The following EFS variants were observed in gnomAD, a reference collection of about 807,000 sequenced individuals.
EFS encodes the protein embryonal Fyn-associated substrate.
Under a neutral mutation model 42.2 loss-of-function variants are expected in EFS, and 34 were observed. The observed-to-expected ratio is 0.81, with a 90% CI of 0.61 to 1.07. The LOEUF is 1.07. Ranked by LOEUF, EFS falls within the 50% of genes least tolerant of loss-of-function variation. EFS has a pLI of 0.00. For synonymous variants in EFS, 299 were observed against 320.7 expected (o/e 0.93, Z 0.72); for missense variants, 717 against 729.4 (o/e 0.98, Z 0.20).
At chr14:23,361,533 T>A (rs1785458580) in intron 1 of EFS, among the ~76,000 whole-genome samples, 1 of 152,246 alleles carries the variant, frequency 6.6e-6, no homozygotes, top group South Asian at 2.1e-4. Context: ...TATTCTTGTG[T>A]GTGTGTCACC....
chr14:23,360,818 C>A lies in EFS; in HGVS notation c.34G>T (p.Ala12Ser). ...AIATSTQLAR[A>S]LYDNTAESPQ... ...GACTCAGCGGTGTTGTCATACAGTGCCCGGGCCAGCTGGGTCTGGTTGGGG... is the reference window on the plus strand; with the variant it reads ...GACTCAGCGGTGTTGTCATACAGTGACCGGGCCAGCTGGGTCTGGTTGGGG... The change falls in exon 2 of 6, where the codon GCA becomes TCA. Residue 12 changes from alanine (A) to serine (S), a missense_variant. Transcript: ENST00000216733. The A allele has an allele frequency of 6.2e-7, 1 of 1,610,306 alleles. No homozygotes were observed.
intron 1 of EFS, among the ~76,000 whole-genome samples, chr14:23,363,198 C>A (rs1423277492): frequency 2.0e-5 from 3 of 152,150 alleles, no homozygotes; most frequent in Admixed American, 2.0e-4. Context: ...CAGGTGTGAG[C>A]CACTGCGCCC....
rs753903677 is a variant in EFS at position 23,359,822 on chromosome 14, G to T, written c.656C>A (p.Ala219Asp). The T allele has an allele frequency of 4.6e-6, 7 of 1,526,470 alleles. No individual in the cohort carries two copies. The highest frequency in any genetic ancestry group is 6.1e-6 in the Non-Finnish European group (7 of 1,140,252). 94.6% of individuals were successfully genotyped at this position (1,526,470 alleles called of 1,614,324 possible). ...GREPGPPIYA[A>D]PSNLKRASAL... is the part of the protein sequence containing the mutation. ...TGACGCTCGTTTCAGGTTGGAGGGGGCAGCATAGATGGGGGGCCCCGGCTC... is the reference window on the plus strand; with the variant it reads ...TGACGCTCGTTTCAGGTTGGAGGGGTCAGCATAGATGGGGGGCCCCGGCTC... Residue 219 changes from alanine (A) to aspartate (D), a missense_variant, in exon 4 of 6, where the codon GCC becomes GAC. Physicochemically the swap from Ala to Asp is moderately radical, Grantham distance 126 (BLOSUM62 -2). Coordinates refer to ENST00000216733, the MANE Select transcript of EFS (RefSeq NM_005864.4).
Position 23,357,674 on chromosome 14 carries a change from G to C in EFS, c.1252-14C>G. On this transcript the variant is annotated splice_polypyrimidine_tract_variant and intron_variant, in intron 5 of 5. Transcript: ENST00000216733. ...GGACAGGGCCTCCTGAAGGGCAAGA[G>C]GAGTGGTCAGAGAGAACATTCTCAT... 1 of 1,507,232 alleles carries C rather than the reference G, an allele frequency of 6.6e-7. No homozygotes were observed. The highest frequency in any genetic ancestry group is 8.9e-7 in the Non-Finnish European group (1 of 1,124,642). The allele number at this position is 1,507,232 out of a possible 1,614,324, so 93.4% of individuals were successfully genotyped here. A position where few individuals can be genotyped will look rare whatever the true frequency, so the allele number is the denominator to read the frequency against.
intron 1 of EFS, among the ~76,000 whole-genome samples, chr14:23,362,708 G>C (rs547047714): frequency 6.6e-6 from 1 of 152,256 alleles, no homozygotes; most frequent in South Asian, 2.1e-4. Flanking sequence ...GCAGACCTGG[G>C]CTTGAGTCTT....
intron 5 of EFS, 22 bp from the exon 6 acceptor site, chr14:23,357,682 C>A: frequency 1.3e-6 from 2 of 1,496,566 alleles, no homozygotes; most frequent in South Asian, 2.8e-5. Context: ...GAGGAGTGGT[C>A]AGAGAGAACA....
At chr14:23,363,372 T>G (rs909191395) in intron 1 of EFS, among the ~76,000 whole-genome samples, 1 of 152,182 alleles carries the variant, frequency 6.6e-6, no homozygotes, top group Non-Finnish European at 1.5e-5. Flanking sequence ...AGATAACGCA[T>G]AAAGAAACTA....
At chr14:23,360,522 C>T (rs1351025972) in intron 2 of EFS, 33 bp downstream of exon 2, 2 of 1,520,856 alleles carry the variant, frequency 1.3e-6, no homozygotes, top group Non-Finnish European at 1.8e-6. Context: ...TGGGGCTCTT[C>T]TGGCTTGGGG....
rs991015874 is a variant in EFS at position 23,359,695 on chromosome 14, C to T, written c.783G>A (p.Glu261=). The part of the protein sequence containing the change: ...GIYDVPLLGP[E]APPSPEPPGA... ...CAGGGGGCTCTGGAGAAGGGGGAGC[C>T]TCTGGCCCCAGCAGAGGCACATCGT... The change falls in exon 4 of 6, where the codon GAG becomes GAA. Residue 261 remains glutamate, a synonymous_variant. Coordinates refer to ENST00000216733, the MANE Select transcript of EFS (RefSeq NM_005864.4). 6.6e-7 allele frequency: 1 copy of T among 1,513,280 alleles called. No individual in the cohort carries two copies. Among genetic ancestry groups the T allele is most frequent in the Admixed American group, 2.3e-5 (1 of 43,588 alleles). 93.7% of individuals were successfully genotyped at this position (1,513,280 alleles called of 1,614,324 possible). A position where few individuals can be genotyped will look rare whatever the true frequency, so the allele number is the denominator to read the frequency against.
At chr14:23,357,686 G>A (rs554096253) in intron 5 of EFS, 26 bp from the exon 6 acceptor site, 4 of 1,493,028 alleles carry the variant, frequency 2.7e-6, no homozygotes, top group African/African-American at 2.8e-5. Context: ...AGTGGTCAGA[G>A]AGAACATTCT....
chr14:23,364,964 G>A (rs973182597), intron 1 of EFS, 44 bp downstream of exon 1: 4 of 1,271,516 alleles, frequency 3.1e-6, no homozygotes, highest in East Asian at 3.0e-5. Context: ...AGGGCAGGCC[G>A]TGGAGGTCTC....
chr14:23,364,660 C>A (rs1035859889), intron 1 of EFS, among the ~76,000 whole-genome samples: 10 of 152,110 alleles, frequency 6.6e-5, no homozygotes, highest in Non-Finnish European at 1.3e-4. Flanking sequence ...ACTTGCCTCC[C>A]AACCACAAGC....
chr14:23,357,644 C>T lies in EFS; in HGVS notation c.1268G>A (p.Gly423Glu). The change falls in exon 6 of 6, where the codon GGG becomes GAG. Residue 423 changes from glycine to glutamate, a missense_variant. By Grantham distance (98) the Gly-to-Glu change is moderately conservative. Transcript: ENST00000216733. ...TCCGGTGGACACAACCAGTGGCTCC[C>T]CTGGGGACAGGGCCTCCTGAAGGGC... ...MPAPQEALSP[G>E]EPLVVSTGDL... 3 of 1,536,808 alleles carry T rather than the reference C, an allele frequency of 2.0e-6. No individual in the cohort carries two copies. Among genetic ancestry groups the T allele is most frequent in the Middle Eastern group, 1.8e-4 (1 of 5,630 alleles).
Position 23,360,749 on chromosome 14 carries a change from G to A in EFS, c.103C>T (p.Leu35=), listed in dbSNP as rs2231800. 75,983 of 1,614,028 alleles carry A rather than the reference G, an allele frequency of 0.047. 2,162 individuals carry two copies. Among genetic ancestry groups the A allele is most frequent in the Non-Finnish European group, 0.058 (68,007 of 1,179,956 alleles). The change falls in exon 2 of 6, where the codon CTG becomes TTG. Residue 35 remains leucine (L), a synonymous_variant. Coordinates refer to ENST00000216733, the MANE Select transcript of EFS (RefSeq NM_005864.4). The part of the protein sequence containing the change: ...SFRRGDVLRV[L]QREGAGGLDG... ...AGTCCACCAGCGCCCTCTCTCTGCAGGACCCGTAGGACATCCCCTCGGCGG... is the reference window on the plus strand; with the variant it reads ...AGTCCACCAGCGCCCTCTCTCTGCAAGACCCGTAGGACATCCCCTCGGCGG...
At chr14:23,360,940 A>T in intron 1 of EFS, 107 bp from the exon 2 acceptor site, 2 of 1,191,162 alleles carry the variant, frequency 1.7e-6, no homozygotes, top group Non-Finnish European at 1.1e-6. Context: ...AAGCTAAAAA[A>T]CCTGAACTCT....
In EFS at chr14:23,360,886, A is replaced by G. The variant is rs982666847; in HGVS notation, c.19-53T>C. ...AGGGTCTTCAGACCCCTTTCAGGTC[A>G]CGTCACCCCTGCTTAGAACCCTTCG... On this transcript the variant is annotated intron_variant, in intron 1 of 5. Transcript: ENST00000216733. The G allele has an allele frequency of 3.7e-5, 57 of 1,539,270 alleles. No individual in the cohort carries two copies. In the East Asian group the frequency reaches 1.2e-3, roughly 32 times the overall value.
At position 23,359,463 on chromosome 14, in the gene EFS, G is replaced by A; in HGVS notation, c.1015C>T (p.Pro339Ser). 1 of 1,602,860 alleles carries A rather than the reference G, an allele frequency of 6.2e-7. No individual in the cohort carries two copies. The highest frequency in any genetic ancestry group is 2.2e-5 in the East Asian group (1 of 44,712). The change falls in exon 4 of 6, where the codon CCA becomes TCA. Residue 339 changes from proline to serine, a missense_variant. Pro to Ser is a moderately conservative substitution (Grantham distance 74). Coordinates refer to ENST00000216733, the MANE Select transcript of EFS (RefSeq NM_005864.4). Reference protein sequence around the residue: ...KGSIQDRPLPPPPPRLPGYGG... With the variant: ...KGSIQDRPLPSPPPRLPGYGG... ...TAACCAGGCAGGCGGGGTGGGGGTG[G>A]GGGCAGAGGCCGGTCCTGGATGCTG...
chr14:23,363,360 T>C (rs976065441), intron 1 of EFS, among the ~76,000 whole-genome samples: 2 of 152,174 alleles, frequency 1.3e-5, no homozygotes, highest in African/African-American at 2.4e-5. Flanking sequence ...GAGAGTTGCA[T>C]GAGATAACGC....
At chr14:23,364,199 G>T (rs1373202291) in intron 1 of EFS, among the ~76,000 whole-genome samples, 3 of 152,222 alleles carry the variant, frequency 2.0e-5, no homozygotes. Context: ...TGGGGCTGTA[G>T]AGCGCTCCTC....
Sources: allele counts gnomAD v4.1 joint callset (sites outside exome capture counted in the v4.1 genomes callset), GRCh38; gene constraint gnomAD v4.1.1; transcripts MANE v1.5; gene names NCBI Gene and HGNC (gene_info 2026-07-23, HGNC 2026-07-21).